Variants in KIRREL3 observed in about 807,000 individuals in gnomAD.
KIRREL3 encodes kin of IRRE-like protein 3.
KIRREL3 carries 36 observed loss-of-function variants against 89.7 expected under a neutral mutation model. The observed-to-expected ratio is 0.40, with a 90% CI of 0.31 to 0.53. KIRREL3 has a LOEUF of 0.53. Ranked by LOEUF, KIRREL3 falls within the 20% of genes least tolerant of loss-of-function variation. The pLI is 0.49. For missense variants in KIRREL3, 864 were observed against 1,056.6 expected (o/e 0.82, Z 2.53); for synonymous variants, 445 against 441.4 (o/e 1.01, Z -0.10).
At chr11:126,861,930 C>G (rs1315015960) in intron 1 of KIRREL3, among the ~76,000 whole-genome samples, 2 of 152,216 alleles carry the variant, frequency 1.3e-5, no homozygotes, top group African/African-American at 4.8e-5. Context: ...GCACCTGTCT[C>G]TAAACCTTTC....
intron 1 of KIRREL3, among the ~76,000 whole-genome samples, chr11:126,774,897 T>G (rs1034921755): frequency 1.1e-4 from 17 of 152,204 alleles, no homozygotes; most frequent in African/African-American, 4.1e-4. Flanking sequence ...TTGCTGCTCC[T>G]GCTCCTGTCT....
In KIRREL3 at chr11:126,601,100, A is replaced by G. The variant is rs1329528501; in HGVS notation, c.56-38188T>C. ...CGTCCTCCCAGCCCCCCGATGTTCCAGGAAGCCAAAGCACAGAGCAATCTT... is the reference window on the plus strand; with the variant it reads ...CGTCCTCCCAGCCCCCCGATGTTCCGGGAAGCCAAAGCACAGAGCAATCTT... On this transcript the variant is annotated intron_variant, in intron 1 of 16. Coordinates refer to ENST00000525144, the MANE Select transcript of KIRREL3 (RefSeq NM_032531.4). This position sits in a 1 kb window ranked among gnomAD's most constrained non-coding sequence, Gnocchi z 5.8. Among the ~76,000 whole-genome samples the G allele has an allele frequency of 2.0e-5, 3 of 150,856 alleles. No individual in the cohort carries two copies. Among genetic ancestry groups the G allele is most frequent in the African/African-American group, 7.3e-5 (3 of 41,158 alleles).
chr11:126,757,920 A>G (rs1405745336), intron 1 of KIRREL3, among the ~76,000 whole-genome samples: 2 of 152,172 alleles, frequency 1.3e-5, no homozygotes, highest in South Asian at 4.1e-4. Flanking sequence ...AAATTTTGTC[A>G]TTCTCTTATT....
In KIRREL3 at chr11:126,844,164, A is replaced by G. The variant is rs1231035052; in HGVS notation, c.55+156291T>C. Among the ~76,000 whole-genome samples, 1 of 152,176 alleles carries G rather than the reference A, an allele frequency of 6.6e-6. No individual in the cohort carries two copies. The highest frequency in any genetic ancestry group is 1.5e-5 in the Non-Finnish European group (1 of 68,034). On this transcript the variant is annotated intron_variant, in intron 1 of 16. Coordinates refer to ENST00000525144, the MANE Select transcript of KIRREL3 (RefSeq NM_032531.4). The surrounding 1 kb of genome is among the most constrained non-coding windows in gnomAD (Gnocchi z 4.8). ...AACCCAGGTGGGACAATAGTGAGGA[A>G]ACCCCCAATCCAAAGGCTAACTTTG...
rs641675 is a variant in KIRREL3 at position 126,611,277 on chromosome 11, C to T, written c.56-48365G>A. Among the ~76,000 whole-genome samples the T allele has an allele frequency of 0.25, 37,470 of 152,042 alleles. 5,446 individuals carry two copies. The highest frequency in any genetic ancestry group is 0.45 in the South Asian group (2,184 of 4,808). On this transcript the variant is annotated intron_variant, in intron 1 of 16. Transcript: ENST00000525144. This position sits in a 1 kb window ranked among gnomAD's most constrained non-coding sequence, Gnocchi z 4.7. The stretch of plus-strand genomic sequence containing the variant: ...CTGCTATTACTGTTGTTCCTACCAC[C>T]GCACCCTCTCCCATTCCTTTCCTTC...
Position 126,872,810 on chromosome 11 carries a change from ATAATACCCC to A in KIRREL3, c.55+127636_55+127644del, listed in dbSNP as rs551814495. ...GCTCTCCATTTCCATAGTGTGTTGA[ATAATACCCC>A]ATGACAACTGGGGTTTGAAAGGTAG... On this transcript the variant is annotated intron_variant, in intron 1 of 16. Coordinates refer to ENST00000525144, the MANE Select transcript of KIRREL3 (RefSeq NM_032531.4). This position sits in a 1 kb window ranked among gnomAD's most constrained non-coding sequence, Gnocchi z 4.2. Among the ~76,000 whole-genome samples the A allele has an allele frequency of 4.5e-4, 69 of 152,352 alleles. No homozygotes were observed. The South Asian group carries it at 0.014, about 32-fold the overall frequency.
Position 126,640,166 on chromosome 11 carries a change from T to C in KIRREL3, c.56-77254A>G, listed in dbSNP as rs751081160. On this transcript the variant is annotated intron_variant, in intron 1 of 16. Transcript: ENST00000525144. This position sits in a 1 kb window ranked among gnomAD's most constrained non-coding sequence, Gnocchi z 4.9. ...AAGGCATAGAAGCTCTATGATTTTCTGTCTATCTCACTCACCCTTCAGCTG... is the reference window on the plus strand; with the variant it reads ...AAGGCATAGAAGCTCTATGATTTTCCGTCTATCTCACTCACCCTTCAGCTG... Among the ~76,000 whole-genome samples, 5 of 152,196 alleles carry C rather than the reference T, an allele frequency of 3.3e-5. No individual in the cohort carries two copies. The highest frequency in any genetic ancestry group is 7.3e-5 in the Non-Finnish European group (5 of 68,032).
rs11220561 is a variant in KIRREL3 at position 126,624,747 on chromosome 11, C to T, written c.56-61835G>A. ...CTGAGTAATTCCCGAGCATCAATAA[C>T]GTGTGTCATGATGTAATGCAGGGAG... On this transcript the variant is annotated intron_variant, in intron 1 of 16. Transcript: ENST00000525144. The surrounding 1 kb of genome is among the most constrained non-coding windows in gnomAD (Gnocchi z 6.0). Among the ~76,000 whole-genome samples the T allele has an allele frequency of 1.3e-5, 2 of 152,090 alleles. No individual in the cohort carries two copies. Among genetic ancestry groups the T allele is most frequent in the African/African-American group, 2.4e-5 (1 of 41,416 alleles).
chr11:126,934,912 A>G (rs1948115546), intron 1 of KIRREL3: 1 of 152,260 alleles, frequency 6.6e-6, no homozygotes, highest in Admixed American at 6.5e-5. Context: ...TACAAAAAAT[A>G]GCTGGGCATG....
rs917903063 is a variant in KIRREL3, at chr11:126,640,762, G to A, written c.56-77850C>T. ...GTATGAGGGGTCGCTCAGAATGGAG[G>A]CATGCATGAAAGAATATTCCTGGGT... On this transcript the variant is annotated intron_variant, in intron 1 of 16. Transcript: ENST00000525144. This position sits in a 1 kb window ranked among gnomAD's most constrained non-coding sequence, Gnocchi z 4.9. 1.3e-5 allele frequency among the ~76,000 whole-genome samples: 2 copies of A among 152,084 alleles called. No homozygotes were observed. Among genetic ancestry groups the A allele is most frequent in the African/African-American group, 2.4e-5 (1 of 41,406 alleles).
intron 4 of KIRREL3, among the ~76,000 whole-genome samples, chr11:126,511,709 C>G (rs1958227926): frequency 6.6e-6 from 1 of 152,222 alleles, no homozygotes; most frequent in South Asian, 2.1e-4. Flanking sequence ...TAAACTCCCT[C>G]TGAGGATGAC....
intron 1 of KIRREL3, among the ~76,000 whole-genome samples, chr11:126,980,286 G>A (rs1949685767): frequency 6.6e-6 from 1 of 152,188 alleles, no homozygotes; most frequent in South Asian, 2.1e-4. Flanking sequence ...GGGATGGAGA[G>A]GAAGATGCTG....
At chr11:126,813,307 A>C (rs1415516702) in intron 1 of KIRREL3, among the ~76,000 whole-genome samples, 3 of 152,180 alleles carry the variant, frequency 2.0e-5, no homozygotes, top group Non-Finnish European at 4.4e-5. Context: ...AAATCATTAA[A>C]AACATGTTCA....
At position 126,568,661 on chromosome 11, in the gene KIRREL3, C is replaced by T. The variant is rs1272615971; in HGVS notation, c.56-5749G>A. Among the ~76,000 whole-genome samples, 2 of 152,198 alleles carry T rather than the reference C, an allele frequency of 1.3e-5. No individual in the cohort carries two copies. Among genetic ancestry groups the T allele is most frequent in the African/African-American group, 4.8e-5 (2 of 41,456 alleles). On this transcript the variant is annotated intron_variant, in intron 1 of 16. Coordinates refer to ENST00000525144, the MANE Select transcript of KIRREL3 (RefSeq NM_032531.4). This position sits in a 1 kb window ranked among gnomAD's most constrained non-coding sequence, Gnocchi z 4.6. ...ACCAGTGAGCAACTCTTAGGCTTCT[C>T]TGAGCTTTGGTTTCCTCATTTATAA...
At chr11:126,585,332 C>T (rs1007251658) in intron 1 of KIRREL3, among the ~76,000 whole-genome samples, 1 of 141,204 alleles carries the variant, frequency 7.1e-6, no homozygotes, top group Non-Finnish European at 1.5e-5. Flanking sequence ...CTCCCTGATT[C>T]AAGTGATTCT....
rs753408029 is a variant in KIRREL3, at chr11:126,463,145, G to T, written c.742+12C>A. 4 of 1,611,330 alleles carry T rather than the reference G, an allele frequency of 2.5e-6. No homozygotes were observed. The highest frequency in any genetic ancestry group is 1.3e-5 in the African/African-American group (1 of 74,822). ...TGGCAGGGCTGGGTTGGGGGAGGGG[G>T]TGGGTACTCACGCTGGATGTCAATG... On this transcript the variant is annotated intron_variant, in intron 6 of 16. Transcript: ENST00000525144. The surrounding 1 kb of genome is among the most constrained non-coding windows in gnomAD (Gnocchi z 5.9).
chr11:126,988,369 A>G (rs1012508711), intron 1 of KIRREL3: 1 of 152,734 alleles, frequency 6.5e-6, no homozygotes, highest in Non-Finnish European at 1.5e-5. Context: ...TTCCATTTTT[A>G]TCAGCTCTCC....
chr11:126,845,764 T>A (rs1380995103), intron 1 of KIRREL3, among the ~76,000 whole-genome samples: 2 of 152,184 alleles, frequency 1.3e-5, no homozygotes, highest in Non-Finnish European at 2.9e-5. Context: ...TTCCTTTTTC[T>A]GAGCAAAGAA....
rs1318155975 is a variant in KIRREL3, at chr11:126,606,200, G to C, written c.56-43288C>G. Among the ~76,000 whole-genome samples the C allele has an allele frequency of 2.0e-5, 3 of 152,228 alleles. No homozygotes were observed. Among genetic ancestry groups the C allele is most frequent in the Non-Finnish European group, 4.4e-5 (3 of 68,044 alleles). On this transcript the variant is annotated intron_variant, in intron 1 of 16. Coordinates refer to ENST00000525144, the MANE Select transcript of KIRREL3 (RefSeq NM_032531.4). The surrounding 1 kb of genome is among the most constrained non-coding windows in gnomAD (Gnocchi z 4.6). Reference sequence around the variant, plus strand: ...CCCAGCATCTAAAGCACTCAAATCAGAGTCACTAGTATTATTAATGTTAAA... The same window carrying C: ...CCCAGCATCTAAAGCACTCAAATCACAGTCACTAGTATTATTAATGTTAAA...
Sources: gnomAD v4.1 joint callset for allele counts (sites outside exome capture counted in the v4.1 genomes callset) on GRCh38, gnomAD v4.1.1 for gene constraint, Gnocchi (gnomAD v3.1) non-coding constraint, MANE v1.5 for transcripts, NCBI Gene and HGNC (gene_info 2026-07-23, HGNC 2026-07-21) for gene names.